Variants in ZNF800 observed in about 807,000 individuals in gnomAD.
ZNF800 encodes the protein zinc finger protein 800.
A neutral mutation model predicts 59.5 loss-of-function variants in ZNF800; 13 were observed. The ratio of observed to expected loss-of-function variants is 0.22; its 90% confidence interval spans 0.14 to 0.35. ZNF800 has a LOEUF of 0.35. Ranked by LOEUF, ZNF800 falls within the 10% of genes least tolerant of loss-of-function variation. The pLI is 1.00. For synonymous variants in ZNF800, 266 were observed against 265.7 expected (o/e 1.00, Z -0.01); for missense variants, 621 against 783.7 (o/e 0.79, Z 2.48).
rs1215775358 is a variant in ZNF800 at position 127,371,114 on chromosome 7, AG to A, written c.*699del. The A allele has an allele frequency of 2.0e-5, 3 of 152,598 alleles. No individual in the cohort carries two copies. Among genetic ancestry groups the A allele is most frequent in the African/African-American group, 7.2e-5 (3 of 41,452 alleles). The allele number at this position is 152,598 out of a possible 1,614,324, so 9.5% of individuals were successfully genotyped here. On this transcript the variant is annotated 3_prime_UTR_variant, in exon 6 of 6. Coordinates refer to ENST00000265827, the MANE Select transcript of ZNF800 (RefSeq NM_176814.5). Reference sequence around the variant, plus strand: ...CTTTGTATAAAATTTAAAGAAAAATAGGGGAATGTTTAATTTTCATAAAAAC... The same window carrying A: ...CTTTGTATAAAATTTAAAGAAAAATAGGGAATGTTTAATTTTCATAAAAAC...
chr7:127,389,190 GGGAGGAGGGGAGGAGAGAATATAGA>G (rs1562912046), intron 2 of ZNF800, among the ~76,000 whole-genome samples: 1 of 152,138 alleles, frequency 6.6e-6, no homozygotes, highest in Admixed American at 6.5e-5. Context: ...GGGGAATTGG[GGGAGGAGGGGAGGAGAGAATATAGA>G]GGAAAAGAGA....
intron 1 of ZNF800, among the ~76,000 whole-genome samples, chr7:127,358,859 T>C (rs1314012060): frequency 1.3e-5 from 2 of 152,114 alleles, no homozygotes; most frequent in African/African-American, 2.4e-5. Flanking sequence ...ATGAAATAAG[T>C]CAATGTAAGA....
downstream of ZNF800, among the ~76,000 whole-genome samples, chr7:127,345,585 T>C (rs894290465): frequency 2.6e-5 from 4 of 152,120 alleles, no homozygotes; most frequent in Non-Finnish European, 5.9e-5. Flanking sequence ...TATCTTGGCA[T>C]ATTGGAAAAA....
At chr7:127,347,128 C>A (rs965479450) in exon 2 of ZNF800, 1 of 152,326 alleles carries the variant, frequency 6.6e-6, no homozygotes, top group Admixed American at 6.5e-5. Context: ...TCACCACAGA[C>A]AAGACTGTAG....
intron 4 of ZNF800, among the ~76,000 whole-genome samples, chr7:127,376,758 T>C (rs1800797774): frequency 6.6e-6 from 1 of 152,018 alleles, no homozygotes. Flanking sequence ...TTGCTCTTTA[T>C]TCCCAACCTT....
At chr7:127,345,524 G>T (rs1458569189), downstream of ZNF800, among the ~76,000 whole-genome samples, 1 of 152,130 alleles carries the variant, frequency 6.6e-6, no homozygotes, top group Admixed American at 6.5e-5. Context: ...GCTGTGAAAA[G>T]CAGCTTAAAC....
chr7:127,386,036 A>G, intron 3 of ZNF800, 24 bp downstream of exon 3: 2 of 1,559,090 alleles, frequency 1.3e-6, no homozygotes, highest in Non-Finnish European at 1.8e-6. Context: ...GAAGATTGAA[A>G]AATATATCCT....
rs71179575 is a variant in ZNF800, at chr7:127,379,870, C to CAG, written c.158-2543_158-2542dup. Among the ~76,000 whole-genome samples, 822 of 83,814 alleles carry CAG rather than the reference C, an allele frequency of 9.8e-3. 14 individuals are homozygous for CAG. The highest frequency in any genetic ancestry group is 0.013 in the Non-Finnish European group (606 of 46,566). The allele number at this position is 83,814 out of a possible 152,430, so 55.0% of individuals were successfully genotyped here. A position where few individuals can be genotyped will look rare whatever the true frequency, so the allele number is the denominator to read the frequency against. On this transcript the variant is annotated intron_variant, in intron 3 of 5. Transcript: ENST00000265827. ...CCCCCCCACCCCCCCCACACACACA[C>CAG]AGAGAGAGAGAGAGAGAGAGAGGGA...
chr7:127,383,496 G>A (rs1318361711), intron 3 of ZNF800, among the ~76,000 whole-genome samples: 1 of 152,180 alleles, frequency 6.6e-6, no homozygotes, highest in Non-Finnish European at 1.5e-5. Context: ...CCTAGAAATA[G>A]ATGAGTCATT....
chr7:127,371,928 C>G (rs1235148731), intron 5 of ZNF800, 114 bp from the exon 6 acceptor site: 2 of 600,822 alleles, frequency 3.3e-6, no homozygotes, highest in Non-Finnish European at 6.1e-6. Flanking sequence ...AAGTTTTCCA[C>G]ACAAATAAAA....
chr7:127,356,137 C>T (rs1262490328), intron 1 of ZNF800, among the ~76,000 whole-genome samples: 1 of 151,976 alleles, frequency 6.6e-6, no homozygotes, highest in Non-Finnish European at 1.5e-5. Flanking sequence ...AAAGAACAAT[C>T]TGTCAGTGAT....
chr7:127,388,140 T>G (rs949999398), intron 2 of ZNF800, among the ~76,000 whole-genome samples: 4 of 152,102 alleles, frequency 2.6e-5, no homozygotes, highest in Admixed American at 2.6e-4. Flanking sequence ...ATTATAGGGT[T>G]GTATAGGGGT....
Position 127,371,517 on chromosome 7 carries a change from C to T in ZNF800, c.*297G>A, listed in dbSNP as rs951563169. 7.2e-6 allele frequency: 2 copies of T among 276,086 alleles called. No individual in the cohort carries two copies. Among genetic ancestry groups the T allele is most frequent in the Non-Finnish European group, 1.3e-5 (2 of 148,606 alleles). The allele number at this position is 276,086 out of a possible 1,614,324, so 17.1% of individuals were successfully genotyped here. On this transcript the variant is annotated 3_prime_UTR_variant, in exon 6 of 6. Transcript: ENST00000265827. The stretch of plus-strand genomic sequence containing the variant: ...ATTGTTTAGAAAACAAAATTTGTAA[C>T]ATTTTTGTAGAAACTGTCGACCAAA...
downstream of ZNF800, among the ~76,000 whole-genome samples, chr7:127,345,288 G>A (rs1217904124): frequency 1.4e-5 from 2 of 143,714 alleles, no homozygotes; most frequent in Non-Finnish European, 3.1e-5. Context: ...TCTAGTATGG[G>A]AAATAGACCC....
At position 127,377,630 on chromosome 7, in the gene ZNF800, T is replaced by C. The variant is rs1800823713; in HGVS notation, c.158-301A>G. Among the ~76,000 whole-genome samples, 1 of 152,020 alleles carries C rather than the reference T, an allele frequency of 6.6e-6. No homozygotes were observed. Among genetic ancestry groups the C allele is most frequent in the African/African-American group, 2.4e-5 (1 of 41,426 alleles). ...TCCGACATGAGGTTAATCATTACAA[T>C]GAGCTGGGAATAAAGATGTACACAG... On this transcript the variant is annotated intron_variant, in intron 3 of 5. Coordinates refer to ENST00000265827, the MANE Select transcript of ZNF800 (RefSeq NM_176814.5). The surrounding 1 kb of genome is among the most constrained non-coding windows in gnomAD (Gnocchi z 4.7).
chr7:127,380,472 TGTCTCA>T (rs1800943333), intron 3 of ZNF800, among the ~76,000 whole-genome samples: 1 of 152,230 alleles, frequency 6.6e-6, no homozygotes, highest in South Asian at 2.1e-4. Flanking sequence ...AAATAAGGTG[TGTCTCA>T]GTCCACAAAC....
intron 4 of ZNF800, among the ~76,000 whole-genome samples, chr7:127,375,522 G>C (rs192016961): frequency 6.6e-6 from 1 of 152,042 alleles, no homozygotes; most frequent in East Asian, 1.9e-4. Flanking sequence ...TAGTCTATTT[G>C]AGCATCTTAT....
intron 1 of ZNF800, chr7:127,363,493 T>C (rs1800437242): frequency 6.6e-6 from 1 of 151,210 alleles, no homozygotes; most frequent in Admixed American, 6.6e-5. Context: ...GGTACTATGC[T>C]AGATATGGGG....
In ZNF800 at chr7:127,392,112, G is replaced by A. The variant is rs2117234924; in HGVS notation, c.-111C>T. 7.6e-6 allele frequency: 3 copies of A among 393,234 alleles called. No homozygotes were observed. In the South Asian group the frequency reaches 3.8e-4, roughly 50 times the overall value. 24.4% of individuals were successfully genotyped at this position (393,234 alleles called of 1,614,324 possible). ...GGCGGAAGGAAGGAAGGCAGGCCGG[G>A]CGGCCGCGGGGACAGCCTGGCGTGG... On this transcript the variant is annotated 5_prime_UTR_variant, in exon 1 of 6. Transcript: ENST00000265827.
Sources: gnomAD v4.1 joint callset for allele counts (sites outside exome capture counted in the v4.1 genomes callset) on GRCh38, gnomAD v4.1.1 for gene constraint, Gnocchi (gnomAD v3.1) non-coding constraint, MANE v1.5 for transcripts, NCBI Gene and HGNC (gene_info 2026-07-23, HGNC 2026-07-21) for gene names.